NCS1: variants seen among roughly 807,000 people sequenced by gnomAD.
The protein encoded by NCS1 is neuronal calcium sensor 1, also known as frequenin homolog.
Under a neutral mutation model 28.4 loss-of-function variants are expected in NCS1, and 6 were observed. That is an observed-to-expected ratio of 0.21 (90% confidence interval 0.12 to 0.42). NCS1 has a LOEUF of 0.42. Ranked by LOEUF, NCS1 falls within the 10% of genes least tolerant of loss-of-function variation. The pLI is 1.00. For missense variants in NCS1, 131 were observed against 241.4 expected, an observed-to-expected ratio of 0.54 and a Z score of 3.03; for synonymous variants, 86 against 99.3, an observed-to-expected ratio of 0.87 and a Z score of 0.79.
chr9:130,196,613 C>T (rs1554906869), intron 1 of NCS1, among the ~76,000 whole-genome samples: 3 of 152,174 alleles, frequency 2.0e-5, no homozygotes, highest in African/African-American at 7.2e-5. Context: ...GTAGCAGGTG[C>T]CTGTAATCTT....
In NCS1 at chr9:130,181,330, G is replaced by A. The variant is rs1425107762; in HGVS notation, c.64+8603G>A. Among the ~76,000 whole-genome samples, 5 of 152,138 alleles carry A rather than the reference G, an allele frequency of 3.3e-5. No homozygotes were observed. Among genetic ancestry groups the A allele is most frequent in the African/African-American group, 9.7e-5 (4 of 41,416 alleles). ...AGGAATAACAGACGTTGAACTTGGC[G>A]GCTCATCTCGGCCCTCCTTTTGCTC... is the stretch of plus-strand genomic sequence containing the variant. On this transcript the variant is annotated intron_variant, in intron 1 of 7. Coordinates refer to ENST00000372398, the MANE Select transcript of NCS1 (RefSeq NM_014286.4). The surrounding 1 kb of genome is among the most constrained non-coding windows in gnomAD (Gnocchi z 5.0).
intron 1 of NCS1, 45 bp from the exon 2 acceptor site, chr9:130,200,913 C>T (rs1554907405): frequency 1.9e-6 from 3 of 1,613,648 alleles, no homozygotes; most frequent in Admixed American, 3.3e-5. Flanking sequence ...TCTCCCGGGA[C>T]ACCTTCCCTG....
Position 130,234,577 on chromosome 9 carries a change from C to A in NCS1, c.*1605C>A, listed in dbSNP as rs1588129860. On this transcript the variant is annotated 3_prime_UTR_variant, in exon 8 of 8. Coordinates refer to ENST00000372398, the MANE Select transcript of NCS1 (RefSeq NM_014286.4). The surrounding 1 kb of genome is among the most constrained non-coding windows in gnomAD (Gnocchi z 6.1). ...GCCCTTTTCCATGCCGACATCATGTCACTCTAGGCCTGGGGTTCAGTTTCC... is the reference window on the plus strand; with the variant it reads ...GCCCTTTTCCATGCCGACATCATGTAACTCTAGGCCTGGGGTTCAGTTTCC... 2 of 152,352 alleles carry A rather than the reference C, an allele frequency of 1.3e-5. 1 individual carries two copies. Among genetic ancestry groups the A allele is most frequent in the African/African-American group, 4.8e-5 (2 of 41,454 alleles). The allele number at this position is 152,352 out of a possible 1,614,324, so 9.4% of individuals were successfully genotyped here.
At chr9:130,198,136 C>A (rs1832899185) in intron 1 of NCS1, among the ~76,000 whole-genome samples, 1 of 152,168 alleles carries the variant, frequency 6.6e-6, no homozygotes, top group Non-Finnish European at 1.5e-5. Flanking sequence ...AGCTCCGGTT[C>A]CCTGGGGCTC....
intron 7 of NCS1, among the ~76,000 whole-genome samples, chr9:130,229,098 A>T (rs925117076): frequency 9.2e-5 from 14 of 152,194 alleles, no homozygotes; most frequent in African/African-American, 3.4e-4. Context: ...TTTTAAAAAA[A>T]ACCCCTTATG....
intron 1 of NCS1, among the ~76,000 whole-genome samples, chr9:130,197,662 G>A (rs1832892392): frequency 6.6e-6 from 1 of 152,174 alleles, no homozygotes; most frequent in South Asian, 2.1e-4. Context: ...CCTGCCTGCT[G>A]TCCTTCAAGA....
In NCS1 at chr9:130,226,637, G is replaced by A; in HGVS notation, c.*17+133G>A. On this transcript the variant is annotated intron_variant, in intron 7 of 7. Transcript: ENST00000372398. This position sits in a 1 kb window ranked among gnomAD's most constrained non-coding sequence, Gnocchi z 4.8. Reference sequence around the variant, plus strand: ...TTGTGGTCAGCCTAGCAGGGACATAGCTGGGAGGAGGAGGCTGGAAGGGGG... The same window carrying A: ...TTGTGGTCAGCCTAGCAGGGACATAACTGGGAGGAGGAGGCTGGAAGGGGG... 1 of 643,912 alleles carries A rather than the reference G, an allele frequency of 1.6e-6. No homozygotes were observed. The highest frequency in any genetic ancestry group is 2.7e-6 in the Non-Finnish European group (1 of 370,188). The allele number at this position is 643,912 out of a possible 1,614,324, so 39.9% of individuals were successfully genotyped here.
intron 1 of NCS1, chr9:130,200,749 G>T: frequency 7.0e-7 from 1 of 1,418,812 alleles, no homozygotes; most frequent in African/African-American, 1.4e-5. Context: ...AAGGGGTGGG[G>T]CCAGTGTCCC....
At chr9:130,198,469 G>A (rs1395857730) in intron 1 of NCS1, among the ~76,000 whole-genome samples, 1 of 152,178 alleles carries the variant, frequency 6.6e-6, no homozygotes, top group African/African-American at 2.4e-5. Context: ...GTCATACAAG[G>A]TCATGCAGAC....
At chr9:130,179,999 CTATCTATCTATCTAT>C (rs1564701837) in intron 1 of NCS1, among the ~76,000 whole-genome samples, 11 of 550 alleles carry the variant, frequency 0.02, no homozygotes, top group African/African-American at 0.024. Flanking sequence ...TTCTTTTTAT[CTATCTATCTATCTAT>C]CTATCTATCT....
At position 130,200,329 on chromosome 9, in the gene NCS1, A is replaced by G; in HGVS notation, c.65-629A>G. On this transcript the variant is annotated intron_variant, in intron 1 of 7. Transcript: ENST00000372398. Reference sequence around the variant, plus strand: ...TGTTTGTTTCATGGCTCAGTAAAGAATGGGTATGTGGGCTTGGCTCCAGGC... The same window carrying G: ...TGTTTGTTTCATGGCTCAGTAAAGAGTGGGTATGTGGGCTTGGCTCCAGGC... The G allele has an allele frequency of 7.3e-6, 4 of 545,896 alleles. No individual in the cohort carries two copies. The South Asian group carries it at 1.1e-4, about 14-fold the overall frequency. 33.8% of individuals were successfully genotyped at this position (545,896 alleles called of 1,614,324 possible).
At chr9:130,208,860 C>T (rs1263051459) in intron 2 of NCS1, among the ~76,000 whole-genome samples, 1 of 151,982 alleles carries the variant, frequency 6.6e-6, no homozygotes, top group Admixed American at 6.6e-5. Flanking sequence ...GAGACCCTTG[C>T]CCAGGTCACA....
chr9:130,202,375 C>T (rs1385741636), intron 2 of NCS1, among the ~76,000 whole-genome samples: 1 of 148,728 alleles, frequency 6.7e-6, no homozygotes, highest in Non-Finnish European at 1.5e-5. Context: ...CCCCCCAGGC[C>T]TCTGTCAGAG....
In NCS1 at chr9:130,191,723, C is replaced by T. The variant is rs1157621321; in HGVS notation, c.65-9235C>T. ...AGTCAGCACCCGATGGCGACAGTGG[C>T]CGTCACAGCTGCTCACTGCTGCACA... On this transcript the variant is annotated intron_variant, in intron 1 of 7. Transcript: ENST00000372398. The surrounding 1 kb of genome is among the most constrained non-coding windows in gnomAD (Gnocchi z 6.4). Among the ~76,000 whole-genome samples the T allele has an allele frequency of 6.6e-6, 1 of 152,252 alleles. No individual in the cohort carries two copies. Among genetic ancestry groups the T allele is most frequent in the Non-Finnish European group, 1.5e-5 (1 of 68,046 alleles).
At chr9:130,223,846 T>C (rs1833372757) in intron 6 of NCS1, among the ~76,000 whole-genome samples, 1 of 152,020 alleles carries the variant, frequency 6.6e-6, no homozygotes, top group East Asian at 1.9e-4. Context: ...TAAGAAACCC[T>C]TCTCTTTTTT....
At chr9:130,183,947 C>T (rs1832706228) in intron 1 of NCS1, among the ~76,000 whole-genome samples, 1 of 151,750 alleles carries the variant, frequency 6.6e-6, no homozygotes, top group South Asian at 2.1e-4. Context: ...GTAGCTGGGA[C>T]CACAGGCGCC....
chr9:130,198,495 C>T (rs1554907090), intron 1 of NCS1, among the ~76,000 whole-genome samples: 1 of 152,196 alleles, frequency 6.6e-6, no homozygotes, highest in Non-Finnish European at 1.5e-5. Context: ...GAGTTGTATC[C>T]AATTGGGCCT....
chr9:130,176,055 CAT>C (rs1486834534), intron 1 of NCS1, among the ~76,000 whole-genome samples: 24 of 152,142 alleles, frequency 1.6e-4, no homozygotes, highest in Non-Finnish European at 1.5e-5. Flanking sequence ...CAGGGTAACT[CAT>C]GTGCAGTGTG....
Position 130,191,908 on chromosome 9 carries a change from C to CA in NCS1, c.65-9048dup, listed in dbSNP as rs1395727519. 6.6e-6 allele frequency among the ~76,000 whole-genome samples: 1 copy of CA among 152,194 alleles called. No individual in the cohort carries two copies. Among genetic ancestry groups the CA allele is most frequent in the Non-Finnish European group, 1.5e-5 (1 of 68,034 alleles). ...GAACTGGGGTGGAGACAGTGACTGCCAAGGAGGCTGGGACACCACTCCCAC... is the reference window on the plus strand; with the variant it reads ...GAACTGGGGTGGAGACAGTGACTGCCAAAGGAGGCTGGGACACCACTCCCAC... On this transcript the variant is annotated intron_variant, in intron 1 of 7. Transcript: ENST00000372398. The surrounding 1 kb of genome is among the most constrained non-coding windows in gnomAD (Gnocchi z 6.4).
Sources: gnomAD v4.1 joint callset for allele counts (sites outside exome capture counted in the v4.1 genomes callset) on GRCh38, gnomAD v4.1.1 for gene constraint, Gnocchi (gnomAD v3.1) non-coding constraint, MANE v1.5 for transcripts, NCBI Gene and HGNC (gene_info 2026-07-23, HGNC 2026-07-21) for gene names.